GAPVD1: variants seen among roughly 807,000 people sequenced by gnomAD.
The protein encoded by GAPVD1 is GTPase-activating protein and VPS9 domain-containing protein 1.
A neutral mutation model predicts 155.5 loss-of-function variants in GAPVD1; 35 were observed. The ratio of observed to expected loss-of-function variants is 0.23; its 90% CI spans 0.17 to 0.30. The LOEUF is 0.30. Ranked by LOEUF, GAPVD1 falls within the 10% of genes least tolerant of loss-of-function variation. GAPVD1 has a pLI of 1.00. For missense variants in GAPVD1, 1,429 were observed against 1,775.7 expected (o/e 0.80, Z 3.51); for synonymous variants, 636 against 619.7 (o/e 1.03, Z -0.39).
At position 125,346,420 on chromosome 9, in the gene GAPVD1, T is replaced by G. The variant is rs189469641; in HGVS notation, c.3047-399T>G. 4 of 233,146 alleles carry G rather than the reference T, an allele frequency of 1.7e-5. No homozygotes were observed. In the East Asian group the frequency reaches 4.5e-4, roughly 26 times the overall value. The allele number at this position is 233,146 out of a possible 1,614,324, so 14.4% of individuals were successfully genotyped here. ...TTTAAGTCTAAATTTGAATAGTTTT[T>G]TTTCCTCCTTCAGCATAGAGATGTC... On this transcript the variant is annotated intron_variant, in intron 19 of 27. Coordinates refer to ENST00000297933, the MANE Select transcript of GAPVD1 (RefSeq NM_001282680.3).
chr9:125,338,093 T>G (rs966928432), intron 17 of GAPVD1, among the ~76,000 whole-genome samples: 2 of 152,184 alleles, frequency 1.3e-5, no homozygotes, highest in African/African-American at 4.8e-5. Flanking sequence ...CCAGGATGGT[T>G]TTGATCTCCT....
rs745650700 is a variant in GAPVD1 at position 125,355,658 on chromosome 9, A to G, written c.3772A>G (p.Thr1258Ala). 1 of 1,608,056 alleles carries G rather than the reference A, an allele frequency of 6.2e-7. No homozygotes were observed. The stretch of plus-strand genomic sequence containing the variant: ...TTGCTTTGGAGACTTTCAGAAACTC[A>G]CCGCAGCTGACGATAAAACTGCTCA... ...REFIQDFQKL[T>A]AADDKTAQVE... Residue 1258 changes from threonine (T) to alanine (A), a missense_variant, in exon 25 of 28, where the codon ACC becomes GCC. By Grantham distance (58) the Thr-to-Ala change is moderately conservative. Around this residue, in one of 4 missense-constraint regions of GAPVD1, gnomAD observed 699 missense variants for 826.0 expected, o/e 0.85. Coordinates refer to ENST00000297933, the MANE Select transcript of GAPVD1 (RefSeq NM_001282680.3).
rs1390296338 is a variant in GAPVD1, at chr9:125,365,955, A to G, written c.*3209A>G. On this transcript the variant is annotated 3_prime_UTR_variant, in exon 28 of 28. Transcript: ENST00000297933. Reference sequence around the variant, plus strand: ...TGCCCAACCACAAAATTATATGTATATATATTTAAACGTGTCAAACATTTT... The same window carrying G: ...TGCCCAACCACAAAATTATATGTATGTATATTTAAACGTGTCAAACATTTT... 1.3e-5 allele frequency: 2 copies of G among 152,228 alleles called. No homozygotes were observed. Among genetic ancestry groups the G allele is most frequent in the Non-Finnish European group, 2.9e-5 (2 of 68,044 alleles). 9.4% of individuals were successfully genotyped at this position (152,228 alleles called of 1,614,324 possible).
chr9:125,282,054 G>A (rs1312796862), intron 2 of GAPVD1, among the ~76,000 whole-genome samples: 3 of 152,190 alleles, frequency 2.0e-5, no homozygotes, highest in Admixed American at 2.0e-4. Context: ...GCCAAGGTGG[G>A]CGGATCACAA....
intron 1 of GAPVD1, among the ~76,000 whole-genome samples, chr9:125,263,052 T>C (rs1444052546): frequency 6.6e-6 from 1 of 152,230 alleles, no homozygotes; most frequent in African/African-American, 2.4e-5. Context: ...CCATATTAGT[T>C]TGTTGTTTTG....
At chr9:125,299,130 T>C in intron 4 of GAPVD1, 24 bp downstream of exon 4, 1 of 1,402,894 alleles carries the variant, frequency 7.1e-7, no homozygotes, top group African/African-American at 1.4e-5. Flanking sequence ...TTTCAGGTTT[T>C]AAGTTTTGTG....
intron 2 of GAPVD1, among the ~76,000 whole-genome samples, chr9:125,286,806 G>T (rs545691507): frequency 6.6e-6 from 1 of 152,096 alleles, no homozygotes. Context: ...AAGTTTCACC[G>T]GGCTCGGTGG....
At chr9:125,283,391 G>A (rs2048877479) in intron 2 of GAPVD1, among the ~76,000 whole-genome samples, 1 of 151,372 alleles carries the variant, frequency 6.6e-6, no homozygotes, top group Non-Finnish European at 1.5e-5. Context: ...GGGTCGTGCT[G>A]TGTTGCCCAG....
chr9:125,303,169 C>T (rs565222004), intron 5 of GAPVD1, among the ~76,000 whole-genome samples: 28 of 152,118 alleles, frequency 1.8e-4, no homozygotes, highest in Non-Finnish European at 3.2e-4. Context: ...GGATTACAGG[C>T]GCACACCACC....
chr9:125,345,265 C>G (rs1848360219), intron 19 of GAPVD1, among the ~76,000 whole-genome samples: 2 of 151,828 alleles, frequency 1.3e-5, no homozygotes, highest in Admixed American at 1.3e-4. Flanking sequence ...ACTGCAATCT[C>G]TATCTCCTGG....
At position 125,302,065 on chromosome 9, in the gene GAPVD1, G is replaced by C. The variant is rs759257855; in HGVS notation, c.268G>C (p.Gly90Arg). The change falls in exon 5 of 28, where the codon GGA (glycine) becomes CGA (arginine). Residue 90 changes from glycine (G) to arginine (R), a missense_variant. Coordinates refer to ENST00000297933, the MANE Select transcript of GAPVD1 (RefSeq NM_001282680.3). ...ATTTGTTGATGGGTATAAGCAATTG[G>C]GATTTCAGGAGACTGCTTATGGAGA... Reference protein sequence around the residue: ...TQFVDGYKQLGFQETAYGEFL... With the variant: ...TQFVDGYKQLRFQETAYGEFL... The C allele has an allele frequency of 5.0e-6, 8 of 1,612,984 alleles. No homozygotes were observed. The highest frequency in any genetic ancestry group is 6.8e-6 in the Non-Finnish European group (8 of 1,179,456).
At chr9:125,270,427 T>C (rs1177743205) in intron 2 of GAPVD1, among the ~76,000 whole-genome samples, 1 of 151,842 alleles carries the variant, frequency 6.6e-6, no homozygotes, top group Middle Eastern at 3.2e-3. Context: ...AGAGTCTGTC[T>C]CAAAAAAACA....
At position 125,362,659 on chromosome 9, in the gene GAPVD1, T is replaced by C. The variant is rs1361744462; in HGVS notation, c.4296T>C (p.Ala1432=). 2 of 1,613,326 alleles carry C rather than the reference T, an allele frequency of 1.2e-6. No individual in the cohort carries two copies. The highest frequency in any genetic ancestry group is 8.5e-7 in the Non-Finnish European group (1 of 1,179,370). ...TGCAGTATATCAGTAGCTTTTATGC[T>C]AGCTGTCTGTCTGGAGAGGAGTCCT... ...STVQYISSFY[A]SCLSGEESYW... The change falls in exon 28 of 28, where the codon GCT becomes GCC. Residue 1432 remains alanine, a synonymous_variant. Coordinates refer to ENST00000297933, the MANE Select transcript of GAPVD1 (RefSeq NM_001282680.3).
chr9:125,287,657 T>C (rs1393626824), intron 2 of GAPVD1: 2 of 152,212 alleles, frequency 1.3e-5, no homozygotes, highest in East Asian at 3.8e-4. Flanking sequence ...AAATTATCTC[T>C]GAGGGGTAAA....
intron 1 of GAPVD1, among the ~76,000 whole-genome samples, chr9:125,263,328 A>T (rs1263000535): frequency 6.6e-6 from 1 of 152,206 alleles, no homozygotes; most frequent in Non-Finnish European, 1.5e-5. Context: ...CCATGCCTGT[A>T]ATCCCAGCTA....
Position 125,307,773 on chromosome 9 carries a change from C to A in GAPVD1, c.1334C>A (p.Pro445His). The A allele has an allele frequency of 6.2e-7, 1 of 1,613,234 alleles. No individual in the cohort carries two copies. Among genetic ancestry groups the A allele is most frequent in the Non-Finnish European group, 8.5e-7 (1 of 1,179,310 alleles). ...CTTGACAATTTATTGGCAAACCTAC[C>A]CCCGGCCAAGCCAGGAAAAAGTAGC... is the stretch of plus-strand genomic sequence containing the variant. ...MALDNLLANL[P>H]PAKPGKSSSL... is the part of the protein sequence containing the mutation. The change falls in exon 8 of 28, where the codon CCC (proline) becomes CAC (histidine). Residue 445 changes from proline to histidine, a missense_variant. Around this residue, in one of 4 missense-constraint regions of GAPVD1, gnomAD observed 628 missense variants for 733.4 expected, o/e 0.86. Transcript: ENST00000297933.
intron 15 of GAPVD1, among the ~76,000 whole-genome samples, chr9:125,333,103 T>C (rs1846319551): frequency 6.6e-6 from 1 of 152,166 alleles, no homozygotes; most frequent in Non-Finnish European, 1.5e-5. Flanking sequence ...GACGGAGTCT[T>C]GTGCTGTCAC....
At chr9:125,349,875 T>C (rs953267364) in intron 21 of GAPVD1, among the ~76,000 whole-genome samples, 5 of 152,108 alleles carry the variant, frequency 3.3e-5, no homozygotes, top group African/African-American at 1.2e-4. Flanking sequence ...AGAAAGGGTT[T>C]CTTGTCAGGT....
intron 12 of GAPVD1, among the ~76,000 whole-genome samples, chr9:125,327,002 C>T (rs1302424882): frequency 6.6e-6 from 1 of 152,128 alleles, no homozygotes; most frequent in African/African-American, 2.4e-5. Flanking sequence ...TAAAATCTTT[C>T]ACAACAATAT....
Sources: gnomAD v4.1 joint callset for allele counts (sites outside exome capture counted in the v4.1 genomes callset) on GRCh38, gnomAD v4.1.1 for gene constraint, gnomAD v4.1.1 regional missense constraint, MANE v1.5 for transcripts, NCBI Gene and HGNC (gene_info 2026-07-23, HGNC 2026-07-21) for gene names.